OSBPL7: variants seen among roughly 807,000 people sequenced by gnomAD.
OSBPL7 encodes the protein oxysterol binding protein like 7.
In OSBPL7, 66 loss-of-function variants were observed where a neutral mutation model predicts 115.8. The ratio of observed to expected loss-of-function variants is 0.57; its 90% CI spans 0.47 to 0.70. The LOEUF (loss-of-function observed/expected upper bound fraction) is 0.70. Ranked by LOEUF, OSBPL7 falls within the 30% of genes least tolerant of loss-of-function variation. The pLI, the probability that OSBPL7 is intolerant of heterozygous loss-of-function variation, is 0.00. For synonymous variants in OSBPL7, 441 were observed against 439.2 expected (o/e 1.00, Z -0.05); for missense variants, 902 against 1,125.5 (o/e 0.80, Z 2.84).
rs1567938433 is a variant in OSBPL7 at position 47,809,419 on chromosome 17, C to T, written c.1940G>A (p.Gly647Asp). Residue 647 changes from glycine (G) to aspartate (D), a missense_variant, in exon 19 of 23, where the codon GGT becomes GAT. Gly to Asp is a moderately conservative substitution (Grantham distance 94). Coordinates refer to ENST00000007414, the MANE Select transcript of OSBPL7 (RefSeq NM_145798.3). ...CCCATAGTGCTCGATCCAGCGCTGA[C>T]CACTCAGGACATTGTGAATGCAGGA... ...VTSCIHNVLSGQRWIEHYGEV... is the reference protein window; with the variant it reads ...VTSCIHNVLSDQRWIEHYGEV... The T allele has an allele frequency of 6.2e-7, 1 of 1,614,080 alleles. No individual in the cohort carries two copies. The highest frequency in any genetic ancestry group is 8.5e-7 in the Non-Finnish European group (1 of 1,179,946).
At position 47,809,341 on chromosome 17, in the gene OSBPL7, A is replaced by T. The variant is rs1011318690; in HGVS notation, c.2018T>A (p.Phe673Tyr). ...TCAGGGTGGCACACACACCTTGCAG[A>T]AGGTGATCTTGCAGTGGCAGGAGCT... ...QDSSCHCKIT[F>Y]CKAKYWSSNV... Residue 673 changes from phenylalanine to tyrosine, a missense_variant, in exon 19 of 23, where the codon TTC (phenylalanine) becomes TAC (tyrosine). Physicochemically the swap from Phe to Tyr is conservative, Grantham distance 22. Around this residue, in one of 3 missense-constraint regions of OSBPL7, gnomAD observed 230 missense variants for 312.7 expected, o/e 0.74. Transcript: ENST00000007414. 17 of 1,613,876 alleles carry T rather than the reference A, an allele frequency of 1.1e-5. No homozygotes were observed. The highest frequency in any genetic ancestry group is 1.4e-5 in the Non-Finnish European group (17 of 1,179,892).
chr17:47,808,375 T>C lies in OSBPL7; in HGVS notation c.2445A>G (p.Lys815=), dbSNP rs374189904. 6.2e-7 allele frequency: 1 copy of C among 1,614,016 alleles called. No individual in the cohort carries two copies. The highest frequency in any genetic ancestry group is 8.5e-7 in the Non-Finnish European group (1 of 1,179,984). ...AGGTATTGTTGGTCACCCACCACTCTTTCCCGCTGCTATCCGTCTGCCGCC... is the reference window on the plus strand; with the variant it reads ...AGGTATTGTTGGTCACCCACCACTCCTTCCCGCTGCTATCCGTCTGCCGCC... ...FFRRQTDSSG[K]EWWVTNNTYW... is the part of the protein sequence containing the mutation. Residue 815 remains lysine, a synonymous_variant, in exon 23 of 23, where the codon AAA becomes AAG. Transcript: ENST00000007414. This position sits in a 1 kb window ranked among gnomAD's most constrained non-coding sequence, Gnocchi z 6.1.
Position 47,816,843 on chromosome 17 carries a change from C to T in OSBPL7, c.732G>A (p.Lys244=). The change falls in exon 9 of 23, where the codon AAG becomes AAA. Residue 244 remains lysine, a synonymous_variant. Transcript: ENST00000007414. The surrounding 1 kb of genome is among the most constrained non-coding windows in gnomAD (Gnocchi z 5.8). ...ACCACATGCGGCTTGTCCGTTTCCC[C>T]TTCTTGGGTCTTTCGGTTGTCACTG... ...QASVTTERPK[K]GKRTSRMWCT... 1 of 1,614,018 alleles carries T rather than the reference C, an allele frequency of 6.2e-7. No homozygotes were observed. Among genetic ancestry groups the T allele is most frequent in the South Asian group, 1.1e-5 (1 of 91,088 alleles).
intron 18 of OSBPL7, among the ~76,000 whole-genome samples, chr17:47,810,005 G>A (rs541468788): frequency 2.1e-5 from 3 of 146,106 alleles, no homozygotes; most frequent in African/African-American, 5.1e-5. Context: ...CACTACCTCC[G>A]CCTCCCAGGT....
chr17:47,814,492 C>G, intron 14 of OSBPL7, 29 bp downstream of exon 14: 1 of 1,435,062 alleles, frequency 7.0e-7, no homozygotes, highest in Non-Finnish European at 9.8e-7. Flanking sequence ...CGCCTCCCAC[C>G]CCTCCCTGCC....
chr17:47,808,699 G>C lies in OSBPL7; in HGVS notation c.2298-39C>G. 1 of 1,612,286 alleles carries C rather than the reference G, an allele frequency of 6.2e-7. No homozygotes were observed. The highest frequency in any genetic ancestry group is 8.5e-7 in the Non-Finnish European group (1 of 1,178,982). ...TCAAACTCAGGGGAACTGCCCATCT[G>C]CAGGGGCCCCCAAACCCAAGGCCTC... On this transcript the variant is annotated intron_variant, in intron 21 of 22. Transcript: ENST00000007414. The surrounding 1 kb of genome is among the most constrained non-coding windows in gnomAD (Gnocchi z 6.1).
At chr17:47,810,372 G>A (rs16948401) in intron 18 of OSBPL7, among the ~76,000 whole-genome samples, 44,233 of 152,064 alleles carry the variant, frequency 0.29, 8,075 homozygotes, top group East Asian at 0.63. Flanking sequence ...AGATGACCTC[G>A]ATGGGCCCTT....
In OSBPL7 at chr17:47,820,243, A is replaced by G; in HGVS notation, c.36T>C (p.Pro12=). 3 of 1,613,978 alleles carry G rather than the reference A, an allele frequency of 1.9e-6. No homozygotes were observed. The highest frequency in any genetic ancestry group is 2.5e-6 in the Non-Finnish European group (3 of 1,179,976). ...TGGGCTTTGAGGACTGAGCGCTCTC[A>G]GGCAGGAAGGGCGGGTCCCTCTCTT... The part of the protein sequence containing the change: ...DFQERDPPFL[P]ESAQSSKPSS... The change falls in exon 2 of 23, where the codon CCT becomes CCC. Residue 12 remains proline, a synonymous_variant. Transcript: ENST00000007414.
Position 47,818,261 on chromosome 17 carries a change from C to G in OSBPL7, c.598+8G>C, listed in dbSNP as rs770769394. The G allele has an allele frequency of 2.4e-5, 38 of 1,610,142 alleles. No homozygotes were observed. The highest frequency in any genetic ancestry group is 3.1e-5 in the Non-Finnish European group (37 of 1,178,000). On this transcript the variant is annotated splice_region_variant and intron_variant, in intron 7 of 22. Transcript: ENST00000007414. ...ACCCTTGGAGGTGCTGCGCCTAGGG[C>G]CCCTCACCATGAGAGCAGCGGTCCA...
At chr17:47,814,900 G>C in intron 13 of OSBPL7, 1 of 564,050 alleles carries the variant, frequency 1.8e-6, no homozygotes, top group Non-Finnish European at 3.1e-6. Context: ...CTGAGGGTCA[G>C]GGTTTTGGAA....
chr17:47,816,278 G>T lies in OSBPL7; in HGVS notation c.1024-76C>A. 1 of 1,496,804 alleles carries T rather than the reference G, an allele frequency of 6.7e-7. No homozygotes were observed. Among genetic ancestry groups the T allele is most frequent in the Non-Finnish European group, 9.0e-7 (1 of 1,108,516 alleles). The allele number at this position is 1,496,804 out of a possible 1,614,324, so 92.7% of individuals were successfully genotyped here. On this transcript the variant is annotated intron_variant, in intron 11 of 22. Transcript: ENST00000007414. The surrounding 1 kb of genome is among the most constrained non-coding windows in gnomAD (Gnocchi z 5.8). ...ACCTTGCCGCATCTCTGCAGAGACT[G>T]CCTCTGCCAACCCCCCACCCTGACC...
rs148665824 is a variant in OSBPL7, at chr17:47,808,128, T to C, written c.*163A>G. 6.2e-4 allele frequency: 374 copies of C among 607,614 alleles called. No individual in the cohort carries two copies. Among genetic ancestry groups the C allele is most frequent in the Non-Finnish European group, 8.9e-4 (307 of 343,360 alleles). The allele number at this position is 607,614 out of a possible 1,614,324, so 37.6% of individuals were successfully genotyped here. A position where few individuals can be genotyped will look rare whatever the true frequency, so the allele number is the denominator to read the frequency against. On this transcript the variant is annotated 3_prime_UTR_variant, in exon 23 of 23. Coordinates refer to ENST00000007414, the MANE Select transcript of OSBPL7 (RefSeq NM_145798.3). This position sits in a 1 kb window ranked among gnomAD's most constrained non-coding sequence, Gnocchi z 6.1. ...CCAAACGGTGGGGTTGGGGGTGGGC[T>C]GAGATGCAGACCCTCTGGCCAGCAG...
In OSBPL7 at chr17:47,815,340, A is replaced by G; in HGVS notation, c.1132T>C (p.Tyr378His). ...SLNPEEQEAL[Y>H]MKGRELTPQL... Reference sequence around the variant, plus strand: ...GGGGTGAGCTCGCGCCCCTTCATGTACAGAGCTTCTTGCTGTGGGAGCAGC... The same window carrying G: ...GGGGTGAGCTCGCGCCCCTTCATGTGCAGAGCTTCTTGCTGTGGGAGCAGC... Residue 378 changes from tyrosine (Y) to histidine (H), a missense_variant, in exon 13 of 23, where the codon TAC becomes CAC. This residue lies in a region of OSBPL7 where 667 missense variants were observed against 788.7 expected (regional missense o/e 0.85). Coordinates refer to ENST00000007414, the MANE Select transcript of OSBPL7 (RefSeq NM_145798.3). 6.2e-7 allele frequency: 1 copy of G among 1,613,748 alleles called. No individual in the cohort carries two copies. The highest frequency in any genetic ancestry group is 8.5e-7 in the Non-Finnish European group (1 of 1,179,914).
chr17:47,817,733 G>A (rs1005457693), intron 7 of OSBPL7, among the ~76,000 whole-genome samples: 17 of 152,128 alleles, frequency 1.1e-4, no homozygotes. Context: ...TGGAGATCCC[G>A]ATACTGCTCC....
rs2033103373 is a variant in OSBPL7, at chr17:47,813,354, C to T, written c.1649G>A (p.Arg550Gln). The change falls in exon 16 of 23, where the codon CGA becomes CAA. Residue 550 changes from arginine to glutamine, a missense_variant. Physicochemically the swap from Arg to Gln is conservative, Grantham distance 43 (BLOSUM62 1). Transcript: ENST00000007414. ...AGGGTTGAAGGGCTTGCAGCCGGCT[C>T]GGTGGTATGTGGAGGAGTAGGCCGA... The part of the protein sequence containing the change: ...AVSAYSSTYH[R>Q]AGCKPFNPVL... 4 of 1,613,912 alleles carry T rather than the reference C, an allele frequency of 2.5e-6. No individual in the cohort carries two copies. The highest frequency in any genetic ancestry group is 4.5e-5 in the East Asian group (2 of 44,886).
intron 6 of OSBPL7, 24 bp downstream of exon 6, chr17:47,818,482 C>T (rs775505325): frequency 3.2e-6 from 5 of 1,587,272 alleles, no homozygotes; most frequent in Non-Finnish European, 4.3e-6. Flanking sequence ...ACATTACCTG[C>T]CCCCACCCCA....
At chr17:47,812,388 C>T (rs1338016656) in intron 16 of OSBPL7, among the ~76,000 whole-genome samples, 2 of 152,342 alleles carry the variant, frequency 1.3e-5, no homozygotes, top group East Asian at 3.9e-4. Context: ...GCTGGCCACT[C>T]TTTGACCTGT....
chr17:47,810,532 C>A (rs2033005861), intron 18 of OSBPL7, 62 bp downstream of exon 18: 1 of 1,469,166 alleles, frequency 6.8e-7, no homozygotes, highest in Non-Finnish European at 9.5e-7. Context: ...AAGGCCACGC[C>A]CCCTCCAGCC....
chr17:47,818,700 G>C (rs2033306971), intron 5 of OSBPL7, 84 bp from the exon 6 acceptor site: 1 of 1,159,100 alleles, frequency 8.6e-7, no homozygotes, highest in Non-Finnish European at 1.2e-6. Context: ...CTGGTCCCCA[G>C]ACAAGCAGGG....
Sources: gnomAD v4.1 joint callset for allele counts (sites outside exome capture counted in the v4.1 genomes callset) on GRCh38, gnomAD v4.1.1 for gene constraint, gnomAD v4.1.1 regional missense constraint, Gnocchi (gnomAD v3.1) non-coding constraint, MANE v1.5 for transcripts, NCBI Gene and HGNC (gene_info 2026-07-23, HGNC 2026-07-21) for gene names.